Variants in FSTL4 observed in about 807,000 individuals in gnomAD.
FSTL4 encodes the protein follistatin like 4.
In FSTL4, 28 loss-of-function variants were observed where a neutral mutation model predicts 78.2. The observed-to-expected ratio is 0.36, with a 90% CI of 0.27 to 0.49. The LOEUF is 0.49. Among genes scored for constraint, FSTL4 ranks in the 20% least tolerant of loss-of-function variants. The probability of loss-of-function intolerance (pLI) is 0.98; values close to 1 mark genes in which losing one functional copy is unlikely to be tolerated. For synonymous variants in FSTL4, 422 were observed against 440.5 expected, an observed-to-expected ratio of 0.96 and a Z score of 0.53; for missense variants, 922 against 1,084.9, an observed-to-expected ratio of 0.85 and a Z score of 2.11.
chr5:133,400,631 C>T (rs998587694), intron 4 of FSTL4, 107 bp downstream of exon 4: 3 of 1,038,228 alleles, frequency 2.9e-6, no homozygotes, highest in African/African-American at 3.2e-5. Flanking sequence ...GTCTTTATTT[C>T]CTAAACATAT....
chr5:133,697,853 G>A, the FSTL4 span, among the ~76,000 whole-genome samples: 1 of 152,142 alleles, frequency 6.6e-6, no homozygotes, highest in Non-Finnish European at 1.5e-5. Context: ...ATAATTTCCT[G>A]CTGGAGGGCA....
chr5:133,670,974 A>G, the FSTL4 span, among the ~76,000 whole-genome samples: 6 of 152,332 alleles, frequency 3.9e-5, no homozygotes, highest in South Asian at 8.3e-4. Flanking sequence ...TGGGCTGACT[A>G]TGAAATTTCT....
At chr5:133,476,877 C>A (rs1423048626) in intron 3 of FSTL4, among the ~76,000 whole-genome samples, 1 of 152,126 alleles carries the variant, frequency 6.6e-6, no homozygotes, top group Admixed American at 6.5e-5. Context: ...CCTTCTTCAC[C>A]TGAAGAAGGA....
At chr5:133,657,780 T>G in the FSTL4 span, among the ~76,000 whole-genome samples, 2,466 of 150,990 alleles carry the variant, frequency 0.016, 81 homozygotes, top group African/African-American at 0.056. Context: ...TTTTTGTTTT[T>G]TTTTTTTTTT....
intron 3 of FSTL4, among the ~76,000 whole-genome samples, chr5:133,496,975 C>T (rs1461837823): frequency 2.0e-5 from 3 of 152,214 alleles, no homozygotes; most frequent in Non-Finnish European, 4.4e-5. Flanking sequence ...TCTTCCCTCA[C>T]TTGTCCCCTA....
intron 6 of FSTL4, among the ~76,000 whole-genome samples, chr5:133,277,762 G>A (rs1752919278): frequency 1.3e-5 from 2 of 152,232 alleles, no homozygotes; most frequent in African/African-American, 2.4e-5. Flanking sequence ...TGGGGCCCTG[G>A]GCTTTCTTCC....
Position 133,225,744 on chromosome 5 carries a change from G to A in FSTL4, c.1091C>T (p.Ala364Val). 1 of 1,611,492 alleles carries A rather than the reference G, an allele frequency of 6.2e-7. No homozygotes were observed. The highest frequency in any genetic ancestry group is 8.5e-7 in the Non-Finnish European group (1 of 1,178,376). The change falls in exon 9 of 16, where the codon GCT becomes GTT. Residue 364 changes from alanine (A) to valine (V), a missense_variant. Coordinates refer to ENST00000265342, the MANE Select transcript of FSTL4 (RefSeq NM_015082.2). The surrounding 1 kb of genome is among the most constrained non-coding windows in gnomAD (Gnocchi z 4.6). ...PGVAASLRCH[A>V]EGIPMPRITW... The stretch of plus-strand genomic sequence containing the variant: ...GATTCTGGGCATGGGAATGCCCTCA[G>A]CATGGCATCTTAGGCTGGCTGCCAC...
At chr5:133,220,988 C>T in intron 11 of FSTL4, 122 bp from the exon 12 acceptor site, 2 of 764,924 alleles carry the variant, frequency 2.6e-6, no homozygotes. Flanking sequence ...GCACGAGATG[C>T]AATTCCTGGT....
chr5:133,555,578 T>A (rs1759769372), intron 3 of FSTL4, among the ~76,000 whole-genome samples: 1 of 152,224 alleles, frequency 6.6e-6, no homozygotes, highest in Admixed American at 6.5e-5. Flanking sequence ...GGTTACACTA[T>A]TTGAATGTAA....
At position 133,426,002 on chromosome 5, in the gene FSTL4, AC is replaced by A. The variant is rs554573536; in HGVS notation, c.161-25017del. On this transcript the variant is annotated intron_variant, in intron 3 of 15. Transcript: ENST00000265342. The surrounding 1 kb of genome is among the most constrained non-coding windows in gnomAD (Gnocchi z 5.0). The stretch of plus-strand genomic sequence containing the variant: ...TAGTCTTCCTGTCTAAGTGCTGGGG[AC>A]CCCCCCTGAGCAAGACCCTTCTCTC... Among the ~76,000 whole-genome samples, 2 of 151,080 alleles carry A rather than the reference AC, an allele frequency of 1.3e-5. No homozygotes were observed. The highest frequency in any genetic ancestry group is 3.0e-5 in the Non-Finnish European group (2 of 67,766).
intron 4 of FSTL4, among the ~76,000 whole-genome samples, chr5:133,320,232 A>C (rs1754012919): frequency 6.6e-6 from 1 of 152,156 alleles, no homozygotes; most frequent in Non-Finnish European, 1.5e-5. Flanking sequence ...CCTCCTTCAC[A>C]GCTGGCCTTG....
At chr5:133,456,056 G>T (rs1193002253) in intron 3 of FSTL4, among the ~76,000 whole-genome samples, 1 of 152,174 alleles carries the variant, frequency 6.6e-6, no homozygotes, top group Non-Finnish European at 1.5e-5. Context: ...GGGCGTTCTG[G>T]GGATAGTAAG....
the FSTL4 span, among the ~76,000 whole-genome samples, chr5:133,820,035 G>A: frequency 6.6e-6 from 1 of 152,176 alleles, no homozygotes; most frequent in African/African-American, 2.4e-5. Context: ...ACTCAAACTT[G>A]GGTCTTCTTG....
At chr5:133,317,659 T>C (rs1753941571) in intron 4 of FSTL4, among the ~76,000 whole-genome samples, 1 of 152,196 alleles carries the variant, frequency 6.6e-6, no homozygotes, top group South Asian at 2.1e-4. Flanking sequence ...AGCTCTGAGG[T>C]CCCCTGGGTT....
the FSTL4 span, among the ~76,000 whole-genome samples, chr5:133,810,953 C>T: frequency 6.6e-6 from 1 of 152,180 alleles, no homozygotes; most frequent in Non-Finnish European, 1.5e-5. Flanking sequence ...ATTTTACAGG[C>T]TGCTTTTTGT....
chr5:133,679,263 G>A, the FSTL4 span, among the ~76,000 whole-genome samples: 1 of 152,120 alleles, frequency 6.6e-6, no homozygotes, highest in African/African-American at 2.4e-5. Context: ...CTCCCAGGAG[G>A]AAAGCAGATG....
the FSTL4 span, among the ~76,000 whole-genome samples, chr5:133,825,216 C>T: frequency 6.6e-6 from 1 of 152,168 alleles, no homozygotes; most frequent in Non-Finnish European, 1.5e-5. Context: ...GACACACCCC[C>T]CAGAAACCAC....
chr5:133,225,589 C>G lies in FSTL4; in HGVS notation c.1177+69G>C. 2 of 1,366,578 alleles carry G rather than the reference C, an allele frequency of 1.5e-6. No homozygotes were observed. The highest frequency in any genetic ancestry group is 2.0e-6 in the Non-Finnish European group (2 of 995,428). 84.7% of individuals were successfully genotyped at this position (1,366,578 alleles called of 1,614,324 possible). On this transcript the variant is annotated intron_variant, in intron 9 of 15. Transcript: ENST00000265342. This position sits in a 1 kb window ranked among gnomAD's most constrained non-coding sequence, Gnocchi z 4.6. The stretch of plus-strand genomic sequence containing the variant: ...TATAAACAAATTATACCTCTCGTTT[C>G]CATTCCTGGAGTCTCAGCTTGATTT...
In FSTL4 at chr5:133,523,748, C is replaced by T. The variant is rs1561455986; in HGVS notation, c.160+43438G>A. On this transcript the variant is annotated intron_variant, in intron 3 of 15. Coordinates refer to ENST00000265342, the MANE Select transcript of FSTL4 (RefSeq NM_015082.2). ...TCATTGTTGCCATTCATTCATTCAA[C>T]AGCAGTCCAGGGACCTAATATACAA... 2.6e-5 allele frequency among the ~76,000 whole-genome samples: 4 copies of T among 152,330 alleles called. No individual in the cohort carries two copies. The South Asian group carries it at 6.2e-4, about 24-fold the overall frequency.
Sources: gnomAD v4.1 joint callset for allele counts (sites outside exome capture counted in the v4.1 genomes callset) on GRCh38, gnomAD v4.1.1 for gene constraint, Gnocchi (gnomAD v3.1) non-coding constraint, MANE v1.5 for transcripts, NCBI Gene and HGNC (gene_info 2026-07-23, HGNC 2026-07-21) for gene names.